Variants in PAAF1 observed in about 807,000 individuals in gnomAD.
The protein encoded by PAAF1 is proteasomal ATPase-associated factor 1.
A neutral mutation model predicts 52.8 loss-of-function variants in PAAF1; 46 were observed. The ratio of observed to expected loss-of-function variants is 0.87; its 90% CI spans 0.69 to 1.11. PAAF1 has a LOEUF of 1.11. PAAF1 is among the 50% of genes most tolerant of loss of function. PAAF1 has a pLI of 0.00. For missense variants in PAAF1, 424 were observed against 477.4 expected (o/e 0.89, Z 1.04); for synonymous variants, 178 against 172.8 (o/e 1.03, Z -0.24).
chr11:73,887,069 G>A (rs961250554), intron 2 of PAAF1: 1 of 455,134 alleles, frequency 2.2e-6, no homozygotes, highest in Non-Finnish European at 4.3e-6. Flanking sequence ...GCAGATGCTG[G>A]TGCCATGCTT....
rs546994239 is a variant in PAAF1 at position 73,930,357 on chromosome 11, G to A, written c.*2995G>A. On this transcript the variant is annotated 3_prime_UTR_variant, in exon 12 of 12. Coordinates refer to ENST00000310571, the MANE Select transcript of PAAF1 (RefSeq NM_025155.3). ...AGCACTCCAGCCTGGGCGACAGAGC[G>A]AGGCTCTATCTCAAGAAAAAAAAAA... The A allele has an allele frequency of 1.3e-5, 2 of 151,886 alleles. No individual in the cohort carries two copies. The highest frequency in any genetic ancestry group is 3.9e-4 in the East Asian group (2 of 5,180). 9.4% of individuals were successfully genotyped at this position (151,886 alleles called of 1,614,324 possible).
intron 5 of PAAF1, among the ~76,000 whole-genome samples, 164 bp downstream of exon 5, chr11:73,899,408 C>CTTTTTTT (rs71065053): frequency 1.3e-4 from 13 of 101,198 alleles, no homozygotes; most frequent in South Asian, 3.0e-4. Context: ...TTCTTTTTCT[C>CTTTTTTT]TTTTTTTTTT....
At chr11:73,886,457 C>T (rs1591048286) in intron 2 of PAAF1, among the ~76,000 whole-genome samples, 1 of 151,986 alleles carries the variant, frequency 6.6e-6, no homozygotes, top group South Asian at 2.1e-4. Flanking sequence ...GAGTGGATCA[C>T]GAGGTCAGGA....
chr11:73,927,591 T>C lies in PAAF1; in HGVS notation c.*229T>C. On this transcript the variant is annotated 3_prime_UTR_variant, in exon 12 of 12. Transcript: ENST00000310571. Reference sequence around the variant, plus strand: ...CTGCATTTGTTCCAACTTCTCCTTGTATAAACTCACCCCAGCAACACAGGG... The same window carrying C: ...CTGCATTTGTTCCAACTTCTCCTTGCATAAACTCACCCCAGCAACACAGGG... 1 of 581,780 alleles carries C rather than the reference T, an allele frequency of 1.7e-6. No homozygotes were observed. Among genetic ancestry groups the C allele is most frequent in the Non-Finnish European group, 3.1e-6 (1 of 326,782 alleles). 36.0% of individuals were successfully genotyped at this position (581,780 alleles called of 1,614,324 possible). A position where few individuals can be genotyped will look rare whatever the true frequency, so the allele number is the denominator to read the frequency against.
intron 10 of PAAF1, chr11:73,921,782 T>C: frequency 8.3e-7 from 1 of 1,202,994 alleles, no homozygotes; most frequent in Non-Finnish European, 1.2e-6. Context: ...GTCTCTTGCC[T>C]TAGATGTTGT....
intron 6 of PAAF1, among the ~76,000 whole-genome samples, chr11:73,907,683 C>T (rs1949800147): frequency 6.6e-6 from 1 of 152,142 alleles, no homozygotes; most frequent in African/African-American, 2.4e-5. Flanking sequence ...AGTGCTGCTG[C>T]CGGCTTCCAT....
rs1183182556 is a variant in PAAF1, at chr11:73,930,674, G to A, written c.*3312G>A. The A allele has an allele frequency of 3.3e-5, 5 of 151,268 alleles. No homozygotes were observed. The highest frequency in any genetic ancestry group is 1.9e-4 in the East Asian group (1 of 5,156). 9.4% of individuals were successfully genotyped at this position (151,268 alleles called of 1,614,324 possible). On this transcript the variant is annotated 3_prime_UTR_variant, in exon 12 of 12. Transcript: ENST00000310571. ...AGGCAGGAGAATTGCTTGAACCCAG[G>A]AGGTGGAGGGTGTAGTGAGCTGAGA...
intron 6 of PAAF1, among the ~76,000 whole-genome samples, chr11:73,905,950 AC>A (rs1259605902): frequency 1.2e-4 from 18 of 152,184 alleles, no homozygotes; most frequent in Non-Finnish European, 2.2e-4. Flanking sequence ...GAGCTGAAAG[AC>A]CTTCCTTATG....
At chr11:73,905,113 A>G (rs1431925945) in intron 6 of PAAF1, among the ~76,000 whole-genome samples, 1 of 152,206 alleles carries the variant, frequency 6.6e-6, no homozygotes, top group African/African-American at 2.4e-5. Flanking sequence ...TGGGCAATAT[A>G]GTGAGATCCC....
Position 73,878,817 on chromosome 11 carries a change from C to T in PAAF1, c.86C>T (p.Pro29Leu), listed in dbSNP as rs771904194. 7 of 1,613,338 alleles carry T rather than the reference C, an allele frequency of 4.3e-6. No homozygotes were observed. Among genetic ancestry groups the T allele is most frequent in the Non-Finnish European group, 5.9e-6 (7 of 1,179,562 alleles). Residue 29 changes from proline to leucine, a missense_variant and splice_region_variant, in exon 2 of 12, where the codon CCA becomes CTA. Coordinates refer to ENST00000310571, the MANE Select transcript of PAAF1 (RefSeq NM_025155.3). ...GAGGCCTGGCTGAGCTGTCATCCCC[C>T]AGGTAATACCCATGAATTATATATG... ...EGEAWLSCHP[P>L]GKPSLYGSLT...
chr11:73,921,592 A>G, intron 10 of PAAF1: 1 of 617,546 alleles, frequency 1.6e-6, no homozygotes, highest in Non-Finnish European at 3.1e-6. Context: ...AAGGCAAAAG[A>G]TTCGTATATC....
chr11:73,877,697 C>T (rs1409016132), intron 1 of PAAF1, among the ~76,000 whole-genome samples: 1 of 152,108 alleles, frequency 6.6e-6, no homozygotes, highest in African/African-American at 2.4e-5. Flanking sequence ...ACCAGCCTGA[C>T]CAACATGGTG....
chr11:73,892,355 A>C (rs1286403023), intron 4 of PAAF1, among the ~76,000 whole-genome samples: 1 of 151,750 alleles, frequency 6.6e-6, no homozygotes, highest in Non-Finnish European at 1.5e-5. Context: ...AAGAAAGAAA[A>C]AGAGCTCTTT....
At chr11:73,900,170 G>T (rs754311438) in intron 5 of PAAF1, 100 bp from the exon 6 acceptor site, 8 of 1,287,796 alleles carry the variant, frequency 6.2e-6, no homozygotes, top group Non-Finnish European at 5.3e-6. Context: ...TGTGGGTTTA[G>T]CATGTAGGTA....
Position 73,917,115 on chromosome 11 carries a change from G to C in PAAF1, c.935+455G>C, listed in dbSNP as rs573820778. Among the ~76,000 whole-genome samples the C allele has an allele frequency of 2.2e-3, 336 of 152,188 alleles. 1 individual carries two copies. The highest frequency in any genetic ancestry group is 8.0e-3 in the African/African-American group (331 of 41,512). On this transcript the variant is annotated intron_variant, in intron 9 of 11. Transcript: ENST00000310571. Reference sequence around the variant, plus strand: ...GGCTTACTGCAACCTTTGCCTCCCGGGTTCAAGCAATTCTCCTGCCTCAGC... The same window carrying C: ...GGCTTACTGCAACCTTTGCCTCCCGCGTTCAAGCAATTCTCCTGCCTCAGC...
chr11:73,922,098 G>C (rs1416355686), intron 10 of PAAF1: 1 of 920,312 alleles, frequency 1.1e-6, no homozygotes, highest in Non-Finnish European at 1.7e-6. Flanking sequence ...CTCTCTGGGG[G>C]CAGGTCCTTT....
intron 7 of PAAF1, among the ~76,000 whole-genome samples, chr11:73,912,940 G>C (rs1042381255): frequency 6.6e-6 from 1 of 152,012 alleles, no homozygotes; most frequent in Non-Finnish European, 1.5e-5. Flanking sequence ...GCAGTGGCAC[G>C]TTCTCGGCTC....
In PAAF1 at chr11:73,927,540, A is replaced by ACCT. The variant is rs1351180610; in HGVS notation, c.*179_*180insCTC. The ACCT allele has an allele frequency of 1.1e-4, 69 of 618,370 alleles. 1 individual carries two copies. Among genetic ancestry groups the ACCT allele is most frequent in the Non-Finnish European group, 1.0e-4 (36 of 348,592 alleles). The allele number at this position is 618,370 out of a possible 1,614,324, so 38.3% of individuals were successfully genotyped here. On this transcript the variant is annotated 3_prime_UTR_variant, in exon 12 of 12. Coordinates refer to ENST00000310571, the MANE Select transcript of PAAF1 (RefSeq NM_025155.3). Reference sequence around the variant, plus strand: ...ACTCTCATCCCAAGACCTACTTTGAACTGAGTAAGAAGGTCATTGTGCCCA... The same window carrying ACCT: ...ACTCTCATCCCAAGACCTACTTTGAACCTCTGAGTAAGAAGGTCATTGTGCCCA...
At chr11:73,886,984 C>T (rs1949078858) in intron 2 of PAAF1, 2 of 443,156 alleles carry the variant, frequency 4.5e-6, no homozygotes, top group Non-Finnish European at 4.5e-6. Flanking sequence ...CCTCTCTCAC[C>T]ATGTGATCTC....
Sources: gnomAD v4.1 joint callset for allele counts (sites outside exome capture counted in the v4.1 genomes callset) on GRCh38, gnomAD v4.1.1 for gene constraint, MANE v1.5 for transcripts, NCBI Gene and HGNC (gene_info 2026-07-23, HGNC 2026-07-21) for gene names.